Variants in MAF observed in about 807,000 individuals in gnomAD.
MAF encodes transcription factor Maf.
In MAF, 10 loss-of-function variants were observed where a neutral mutation model predicts 22.0. The observed-to-expected ratio is 0.45, with a 90% confidence interval of 0.28 to 0.77. MAF has a LOEUF of 0.77. Ranked by LOEUF, MAF falls within the 30% of genes least tolerant of loss-of-function variation. The pLI, the probability that MAF is intolerant of heterozygous loss-of-function variation, is 0.12. For synonymous variants in MAF, 337 were observed against 255.8 expected, an observed-to-expected ratio of 1.32 and a Z score of -3.03; for missense variants, 544 against 548.4, an observed-to-expected ratio of 0.99 and a Z score of 0.08.
the MAF span, among the ~76,000 whole-genome samples, chr16:79,377,442 A>G: frequency 6.6e-6 from 1 of 152,086 alleles, no homozygotes; most frequent in African/African-American, 2.4e-5. Flanking sequence ...TTGTCAGATG[A>G]GTAGATTGCA....
the MAF span, among the ~76,000 whole-genome samples, chr16:79,221,959 C>A: frequency 6.6e-6 from 1 of 152,024 alleles, no homozygotes; most frequent in Non-Finnish European, 1.5e-5. Context: ...TTCCCTGGGA[C>A]ACAGACAGAG....
At chr16:79,266,031 T>G in the MAF span, among the ~76,000 whole-genome samples, 1 of 149,692 alleles carries the variant, frequency 6.7e-6, no homozygotes, top group African/African-American at 2.5e-5. Flanking sequence ...TTTTCTTCTT[T>G]TCTTTTCTTT....
the MAF span, among the ~76,000 whole-genome samples, chr16:79,363,067 C>T: frequency 6.6e-6 from 1 of 152,042 alleles, no homozygotes; most frequent in Non-Finnish European, 1.5e-5. Context: ...TGATATGGGT[C>T]CCTAAAAGGG....
the MAF span, among the ~76,000 whole-genome samples, chr16:79,340,294 G>C: frequency 6.6e-6 from 1 of 151,886 alleles, no homozygotes; most frequent in Non-Finnish European, 1.5e-5. Flanking sequence ...TCTTCAAAAA[G>C]ATGCCTTGTT....
downstream of MAF, among the ~76,000 whole-genome samples, chr16:79,592,393 G>A (rs1374104946): frequency 6.6e-6 from 1 of 152,212 alleles, no homozygotes; most frequent in East Asian, 1.9e-4. Flanking sequence ...CTGGGGCGGA[G>A]CAATGCCTGG....
chr16:79,421,655 G>A, the MAF span, among the ~76,000 whole-genome samples: 3 of 127,570 alleles, frequency 2.4e-5, no homozygotes, highest in African/African-American at 3.3e-5. Context: ...TTTTTTTTTT[G>A]AGACAGGTTC....
intron 1 of MAF, chr16:79,598,078 G>T (rs2143786907): frequency 9.6e-7 from 1 of 1,042,412 alleles, no homozygotes; most frequent in Non-Finnish European, 1.2e-6. Flanking sequence ...AACTCGGCAC[G>T]CTGCAAGTCT....
At chr16:79,420,395 C>A in the MAF span, among the ~76,000 whole-genome samples, 1 of 152,216 alleles carries the variant, frequency 6.6e-6, no homozygotes, top group Non-Finnish European at 1.5e-5. Flanking sequence ...CATGTTGACA[C>A]GCCCTTCCCA....
chr16:79,497,282 C>T, the MAF span, among the ~76,000 whole-genome samples: 1 of 152,320 alleles, frequency 6.6e-6, no homozygotes. Flanking sequence ...GCTGTTTTCA[C>T]TGCTATAGAC....
Position 79,599,924 on chromosome 16 carries a change from G to A in MAF, c.-22C>T, listed in dbSNP as rs757927825. The stretch of plus-strand genomic sequence containing the variant: ...CCATTCTCCTGCCGCCGCCGCCGCC[G>A]CCGCCGCCGCTCCGCCAGATGGGCT... On this transcript the variant is annotated 5_prime_UTR_variant, in exon 1 of 2. Coordinates refer to ENST00000326043, the MANE Select transcript of MAF (RefSeq NM_005360.5). 6.3e-7 allele frequency: 1 copy of A among 1,592,552 alleles called. No individual in the cohort carries two copies. Among genetic ancestry groups the A allele is most frequent in the South Asian group, 1.1e-5 (1 of 90,726 alleles).
At chr16:79,279,583 G>A in the MAF span, among the ~76,000 whole-genome samples, 5 of 152,192 alleles carry the variant, frequency 3.3e-5, no homozygotes, top group South Asian at 8.3e-4. Flanking sequence ...GCTGGAGAGA[G>A]GGACATTCAA....
chr16:79,250,482 C>G, the MAF span, among the ~76,000 whole-genome samples: 1 of 152,194 alleles, frequency 6.6e-6, no homozygotes, highest in Non-Finnish European at 1.5e-5. Context: ...ATGAAATAAA[C>G]TCTATGGTTG....
the MAF span, among the ~76,000 whole-genome samples, chr16:79,493,279 T>C: frequency 6.6e-6 from 1 of 152,122 alleles, no homozygotes; most frequent in South Asian, 2.1e-4. Context: ...GCCTCCTGGG[T>C]TGAAGCAATT....
the MAF span, among the ~76,000 whole-genome samples, chr16:79,308,931 C>A: frequency 6.6e-6 from 1 of 152,152 alleles, no homozygotes; most frequent in Non-Finnish European, 1.5e-5. Flanking sequence ...GTGGGCCCTT[C>A]TGGGGTGATG....
chr16:79,383,546 G>A, the MAF span, among the ~76,000 whole-genome samples: 1 of 152,200 alleles, frequency 6.6e-6, no homozygotes, highest in Non-Finnish European at 1.5e-5. Flanking sequence ...ATGCAAGGAT[G>A]CAAGTACAAG....
chr16:79,528,671 A>G, the MAF span, among the ~76,000 whole-genome samples: 1 of 152,002 alleles, frequency 6.6e-6, no homozygotes, highest in Non-Finnish European at 1.5e-5. Flanking sequence ...AAAAAAAAAA[A>G]GAAAGGCAAG....
the MAF span, among the ~76,000 whole-genome samples, chr16:79,407,102 G>C: frequency 6.6e-6 from 1 of 152,194 alleles, no homozygotes; most frequent in Non-Finnish European, 1.5e-5. Flanking sequence ...GGAGGGTGTC[G>C]TCTGGCAGTG....
At chr16:79,222,823 C>T in the MAF span, among the ~76,000 whole-genome samples, 1 of 152,124 alleles carries the variant, frequency 6.6e-6, no homozygotes, top group Non-Finnish European at 1.5e-5. Context: ...AACTAACTAT[C>T]CTAAATATAT....
chr16:79,226,300 G>T, the MAF span, among the ~76,000 whole-genome samples: 2 of 152,114 alleles, frequency 1.3e-5, no homozygotes, highest in Non-Finnish European at 2.9e-5. Flanking sequence ...AACACTGTAC[G>T]TTCTGACTCA....
Sources: gnomAD v4.1 joint callset for allele counts (sites outside exome capture counted in the v4.1 genomes callset) on GRCh38, gnomAD v4.1.1 for gene constraint, MANE v1.5 for transcripts, NCBI Gene and HGNC (gene_info 2026-07-23, HGNC 2026-07-21) for gene names.